Variants in LHFPL3 observed in about 807,000 individuals in gnomAD.
LHFPL3 encodes LHFPL tetraspan subfamily member 3.
Under a neutral mutation model 19.3 loss-of-function variants are expected in LHFPL3, and 5 were observed. The ratio of observed to expected loss-of-function variants is 0.26; its 90% CI spans 0.14 to 0.54. The LOEUF (loss-of-function observed/expected upper bound fraction) is 0.54. Ranked by LOEUF, LHFPL3 falls within the 20% of genes least tolerant of loss-of-function variation. LHFPL3 has a pLI of 0.94. For synonymous variants in LHFPL3, 133 were observed against 126.2 expected (o/e 1.05, Z -0.36); for missense variants, 249 against 307.4 (o/e 0.81, Z 1.42).
chr7:104,585,160 T>C (rs1372087194), intron 1 of LHFPL3, among the ~76,000 whole-genome samples: 2 of 151,980 alleles, frequency 1.3e-5, no homozygotes, highest in Non-Finnish European at 2.9e-5. Context: ...CCTCCTACTG[T>C]CTGCCCTCTA....
At chr7:104,535,424 G>T (rs944722090) in intron 1 of LHFPL3, among the ~76,000 whole-genome samples, 1 of 152,146 alleles carries the variant, frequency 6.6e-6, no homozygotes, top group Non-Finnish European at 1.5e-5. Context: ...ATTTGATTCT[G>T]TGCATGCCCA....
chr7:104,549,304 A>ATC, intron 1 of LHFPL3, among the ~76,000 whole-genome samples: 1 of 114,070 alleles, frequency 8.8e-6, no homozygotes, highest in East Asian at 2.5e-4. Flanking sequence ...ATCTGAGAAT[A>ATC]TATATATATA....
intron 2 of LHFPL3, among the ~76,000 whole-genome samples, chr7:104,851,105 A>C (rs1791407781): frequency 6.6e-6 from 1 of 152,214 alleles, no homozygotes; most frequent in Non-Finnish European, 1.5e-5. Context: ...AGATCTCAGC[A>C]AGTATATCAT....
intron 1 of LHFPL3, among the ~76,000 whole-genome samples, chr7:104,672,660 A>G: frequency 6.6e-6 from 1 of 152,164 alleles, no homozygotes; most frequent in Non-Finnish European, 1.5e-5. Context: ...TCTCTATCCG[A>G]GTATAATGAG....
chr7:104,509,112 C>T (rs1793761083), intron 1 of LHFPL3, among the ~76,000 whole-genome samples: 3 of 151,878 alleles, frequency 2.0e-5, no homozygotes, highest in African/African-American at 7.3e-5. Flanking sequence ...AATTTAAAAA[C>T]TCCCCTGTAT....
chr7:104,471,495 G>A (rs1221711184), intron 1 of LHFPL3, among the ~76,000 whole-genome samples: 14 of 152,158 alleles, frequency 9.2e-5, no homozygotes, highest in Admixed American at 7.9e-4. Flanking sequence ...TTACACATGA[G>A]GAAACAGATG....
intron 1 of LHFPL3, among the ~76,000 whole-genome samples, chr7:104,565,114 A>C (rs1173716084): frequency 6.6e-6 from 1 of 152,228 alleles, no homozygotes; most frequent in African/African-American, 2.4e-5. Context: ...AAATATAATG[A>C]GTTAAAATAG....
rs75741652 is a variant in LHFPL3, at chr7:104,661,751, G to A, written c.446-74924G>A. ...TCGCAATTTCATGGATGGAAGATTC[G>A]TTCTCACTGTAGATTTTTGCAACAT... On this transcript the variant is annotated intron_variant, in intron 1 of 2. Coordinates refer to ENST00000424859, the MANE Select transcript of LHFPL3 (RefSeq NM_199000.3). 5.1e-3 allele frequency among the ~76,000 whole-genome samples: 783 copies of A among 152,206 alleles called. 44 individuals are homozygous for A. The East Asian group carries it at 0.11, about 22-fold the overall frequency.
At chr7:104,706,676 T>C (rs1793195705) in intron 1 of LHFPL3, among the ~76,000 whole-genome samples, 1 of 152,212 alleles carries the variant, frequency 6.6e-6, no homozygotes, top group African/African-American at 2.4e-5. Context: ...AACTATTCAC[T>C]GGAAGTCAGT....
At chr7:104,488,589 T>C (rs914133704) in intron 1 of LHFPL3, among the ~76,000 whole-genome samples, 1 of 152,162 alleles carries the variant, frequency 6.6e-6, no homozygotes, top group African/African-American at 2.4e-5. Context: ...AGGAGCTGAA[T>C]TATACCTAGC....
At chr7:104,474,856 G>C (rs1792981018) in intron 1 of LHFPL3, among the ~76,000 whole-genome samples, 1 of 152,032 alleles carries the variant, frequency 6.6e-6, no homozygotes, top group Non-Finnish European at 1.5e-5. Flanking sequence ...CTTAGTGAAG[G>C]GTATAGAGGA....
At chr7:104,611,081 A>T (rs943059181) in intron 1 of LHFPL3, among the ~76,000 whole-genome samples, 1 of 152,214 alleles carries the variant, frequency 6.6e-6, no homozygotes, top group Non-Finnish European at 1.5e-5. Flanking sequence ...TGTTTGAACC[A>T]GGAAAGGCAG....
chr7:104,769,443 T>C (rs540333127), intron 2 of LHFPL3, among the ~76,000 whole-genome samples: 4 of 151,882 alleles, frequency 2.6e-5, no homozygotes, highest in Non-Finnish European at 5.9e-5. Context: ...TTTTGACCTA[T>C]AAAAATAGCA....
chr7:104,898,052 C>G (rs1235961465), intron 2 of LHFPL3, among the ~76,000 whole-genome samples: 1 of 128,244 alleles, frequency 7.8e-6, no homozygotes, highest in Non-Finnish European at 1.6e-5. Context: ...CTCTGTTGCC[C>G]AGGCTGGAGT....
chr7:104,744,376 T>C (rs1794001752), intron 2 of LHFPL3, among the ~76,000 whole-genome samples: 1 of 152,200 alleles, frequency 6.6e-6, no homozygotes, highest in African/African-American at 2.4e-5. Flanking sequence ...GTGCTTTGAA[T>C]TAAAACTTTC....
In LHFPL3 at chr7:104,329,036, G is replaced by A. The variant is rs764409150; in HGVS notation, c.257G>A (p.Arg86Gln). Residue 86 changes from arginine (R) to glutamine (Q), a missense_variant, in exon 1 of 3, where the codon CGG becomes CAG. Physicochemically the swap from Arg to Gln is conservative, Grantham distance 43. Transcript: ENST00000424859. ...TACTGCATCGGCAACGGCTTCTCCC[G>A]GGAGCTGACCTGCAGGGGCAGCTTC... ...FHYCIGNGFS[R>Q]ELTCRGSFTD... The A allele has an allele frequency of 3.7e-6, 6 of 1,614,034 alleles. No individual in the cohort carries two copies. Among genetic ancestry groups the A allele is most frequent in the South Asian group, 2.2e-5 (2 of 91,088 alleles).
intron 1 of LHFPL3, among the ~76,000 whole-genome samples, chr7:104,612,420 C>T (rs976468905): frequency 1.3e-4 from 20 of 151,950 alleles, no homozygotes; most frequent in Admixed American, 1.2e-3. Context: ...GATGGATGGA[C>T]ATCCAAGAGG....
intron 1 of LHFPL3, among the ~76,000 whole-genome samples, chr7:104,623,548 T>A (rs992287252): frequency 2.6e-5 from 3 of 114,760 alleles, no homozygotes; most frequent in Non-Finnish European, 6.0e-5. Context: ...GAGAATCGCT[T>A]GAGCCTGGGA....
Position 104,488,196 on chromosome 7 carries a change from C to T in LHFPL3, c.445+158972C>T, listed in dbSNP as rs565780450. On this transcript the variant is annotated intron_variant, in intron 1 of 2. Coordinates refer to ENST00000424859, the MANE Select transcript of LHFPL3 (RefSeq NM_199000.3). ...TGCTTGGCACCTCTTCAGTCTCCTC[C>T]TTGCAGCTCCTAAGTGAACTTGATT... Among the ~76,000 whole-genome samples, 36 of 152,264 alleles carry T rather than the reference C, an allele frequency of 2.4e-4. No homozygotes were observed. In the East Asian group the frequency reaches 6.0e-3, roughly 25 times the overall value.
Sources: gnomAD v4.1 joint callset for allele counts (sites outside exome capture counted in the v4.1 genomes callset) on GRCh38, gnomAD v4.1.1 for gene constraint, MANE v1.5 for transcripts, NCBI Gene and HGNC (gene_info 2026-07-23, HGNC 2026-07-21) for gene names.